NBPF15: variants seen among roughly 807,000 people sequenced by gnomAD.
NBPF15 encodes the protein NBPF family member NBPF15.
NBPF15 carries 74 observed loss-of-function variants against 62.2 expected under a neutral mutation model. The ratio of observed to expected loss-of-function variants is 1.19; its 90% CI spans 0.99 to 1.44. The LOEUF (loss-of-function observed/expected upper bound fraction) is 1.44. Ranked by LOEUF, NBPF15 falls within the 40% of genes most tolerant of loss-of-function variation. The pLI, the probability that NBPF15 is intolerant of heterozygous loss-of-function variation, is 0.00. For missense variants in NBPF15, 790 were observed against 550.0 expected (o/e 1.44, Z -4.36); for synonymous variants, 244 against 209.7 (o/e 1.16, Z -1.41).
intron 4 of NBPF15, among the ~76,000 whole-genome samples, chr1:144,453,097 A>G (rs1553545901): frequency 2.7e-5 from 4 of 146,334 alleles, no homozygotes; most frequent in Admixed American, 6.9e-5. Context: ...ATTAAGCTAC[A>G]GTAACCCAAA....
At chr1:144,426,712 G>A (rs1197665609) in intron 17 of NBPF15, among the ~76,000 whole-genome samples, 3 of 151,680 alleles carry the variant, frequency 2.0e-5, no homozygotes, top group African/African-American at 7.3e-5. Context: ...TGATGAAGGG[G>A]TCAAAGGACA....
At position 144,436,253 on chromosome 1, in the gene NBPF15, C is replaced by G. The variant is rs1258179524; in HGVS notation, c.494-400G>C. On this transcript the variant is annotated intron_variant, in intron 10 of 21. Coordinates refer to ENST00000581897, the MANE Select transcript of NBPF15 (RefSeq NM_001385408.1). ...AAGCAGACAAACTTGTCCCACAGTC[C>G]TCTATGCATCAGAAGATTTCAAGCC... is the stretch of plus-strand genomic sequence containing the variant. Among the ~76,000 whole-genome samples, 5 of 152,134 alleles carry G rather than the reference C, an allele frequency of 3.3e-5. No homozygotes were observed. In the South Asian group the frequency reaches 1.0e-3, roughly 32 times the overall value.
intron 20 of NBPF15, among the ~76,000 whole-genome samples, chr1:144,424,236 T>C (rs1340816353): frequency 3.3e-5 from 5 of 152,080 alleles, no homozygotes; most frequent in African/African-American, 7.2e-5. Context: ...CAAACAGTTA[T>C]GCCATATTTT....
intron 4 of NBPF15, among the ~76,000 whole-genome samples, chr1:144,455,812 C>T (rs1571167364): frequency 6.6e-6 from 1 of 151,880 alleles, no homozygotes; most frequent in South Asian, 2.1e-4. Context: ...GGGTAGTGAC[C>T]TGAGATTTAC....
At chr1:144,444,315 T>C (rs1685694414) in intron 6 of NBPF15, among the ~76,000 whole-genome samples, 1 of 149,834 alleles carries the variant, frequency 6.7e-6, no homozygotes, top group Non-Finnish European at 1.5e-5. Context: ...GGCTGGAATG[T>C]AACAAAAGCC....
chr1:144,439,547 T>C (rs1333757461), intron 8 of NBPF15, among the ~76,000 whole-genome samples: 1 of 152,128 alleles, frequency 6.6e-6, no homozygotes, highest in Non-Finnish European at 1.5e-5. Context: ...AAAACATGAT[T>C]GAGCCTCTTG....
intron 13 of NBPF15, among the ~76,000 whole-genome samples, chr1:144,431,014 G>A (rs1162356713): frequency 1.3e-5 from 2 of 151,854 alleles, no homozygotes; most frequent in Non-Finnish European, 2.9e-5. Context: ...AGCGAGAAGA[G>A]AAGTTTAGAG....
intron 6 of NBPF15, among the ~76,000 whole-genome samples, chr1:144,442,173 T>C (rs1485548899): frequency 1.8e-5 from 2 of 111,310 alleles, no homozygotes; most frequent in African/African-American, 7.6e-5. Context: ...TATATATATA[T>C]ATATATAATA....
chr1:144,459,018 C>T (rs1461159876), intron 3 of NBPF15, among the ~76,000 whole-genome samples: 2 of 146,652 alleles, frequency 1.4e-5, no homozygotes, highest in African/African-American at 5.1e-5. Flanking sequence ...CTAGCCTGGG[C>T]AATAGAGTGA....
intron 3 of NBPF15, among the ~76,000 whole-genome samples, chr1:144,459,006 C>A (rs1409860400): frequency 2.7e-5 from 4 of 150,442 alleles, no homozygotes; most frequent in Non-Finnish European, 4.4e-5. Context: ...TGCCACGGCA[C>A]TCTAGCCTGG....
chr1:144,437,232 G>T (rs1472227386), intron 9 of NBPF15, 123 bp from the exon 10 acceptor site: 1 of 983,484 alleles, frequency 1.0e-6, no homozygotes. Context: ...GTCAGCACAT[G>T]TTTAAAGGAA....
rs1266383971 is a variant in NBPF15 at position 144,453,577 on chromosome 1, T to C, written c.-431-2707A>G. On this transcript the variant is annotated intron_variant, in intron 4 of 21. Coordinates refer to ENST00000581897, the MANE Select transcript of NBPF15 (RefSeq NM_001385408.1). ...CTGGTAGAAAATATTTACAAAATAATCTGATGGAAAAACTGCTGTCCAAAA... is the reference window on the plus strand; with the variant it reads ...CTGGTAGAAAATATTTACAAAATAACCTGATGGAAAAACTGCTGTCCAAAA... 1.2e-4 allele frequency among the ~76,000 whole-genome samples: 17 copies of C among 142,874 alleles called. No individual in the cohort carries two copies. In the Admixed American group the frequency reaches 1.2e-3, roughly 10 times the overall value. 93.7% of individuals were successfully genotyped at this position (142,874 alleles called of 152,430 possible).
chr1:144,435,129 C>T lies in NBPF15; in HGVS notation c.754G>A (p.Ala252Thr). 2.5e-6 allele frequency: 4 copies of T among 1,612,826 alleles called. No homozygotes were observed. The highest frequency in any genetic ancestry group is 2.5e-6 in the Non-Finnish European group (3 of 1,179,748). The change falls in exon 12 of 22, where the codon GCT (alanine) becomes ACT (threonine). Residue 252 changes from alanine (A) to threonine (T), a missense_variant. Physicochemically the swap from Ala to Thr is moderately conservative, Grantham distance 58. Transcript: ENST00000581897. ...GSSSHVEWED[A>T]VHIIPENESD... is the part of the protein sequence containing the mutation. ...AGGCTACCTGGAATAATGTGTACAGCATCCTCCCATTCAACATGAGAGGAT... is the reference window on the plus strand; with the variant it reads ...AGGCTACCTGGAATAATGTGTACAGTATCCTCCCATTCAACATGAGAGGAT...
At chr1:144,429,427 G>A (rs1672557546) in intron 14 of NBPF15, among the ~76,000 whole-genome samples, 1 of 151,410 alleles carries the variant, frequency 6.6e-6, no homozygotes, top group South Asian at 2.1e-4. Flanking sequence ...TTTGGTGTGA[G>A]TTTGCCACAC....
chr1:144,436,619 G>T (rs1298701758), intron 10 of NBPF15, among the ~76,000 whole-genome samples: 2 of 151,876 alleles, frequency 1.3e-5, no homozygotes, highest in Non-Finnish European at 2.9e-5. Flanking sequence ...TGCTCCCATC[G>T]CAGCCTCCTT....
chr1:144,427,201 T>C (rs1244747327), intron 16 of NBPF15, 103 bp from the exon 17 acceptor site: 7 of 649,074 alleles, frequency 1.1e-5, no homozygotes, highest in African/African-American at 3.7e-5. Context: ...CTCCTCAGCA[T>C]GAGAATAGGA....
intron 4 of NBPF15, among the ~76,000 whole-genome samples, chr1:144,451,526 T>A (rs1265304092): frequency 2.0e-5 from 3 of 151,944 alleles, no homozygotes; most frequent in African/African-American, 7.3e-5. Flanking sequence ...GGGAGAAACC[T>A]TGGACAATAC....
rs1300394292 is a variant in NBPF15 at position 144,432,649 on chromosome 1, G to T, written c.824+1124C>A. On this transcript the variant is annotated intron_variant, in intron 13 of 21. Coordinates refer to ENST00000581897, the MANE Select transcript of NBPF15 (RefSeq NM_001385408.1). ...CAAATGGAAAACAAAAAAAGGCAGG[G>T]GTTGCAATCCTAGTCTCTGATAAAA... 9.9e-5 allele frequency among the ~76,000 whole-genome samples: 15 copies of T among 151,838 alleles called. No individual in the cohort carries two copies. The South Asian group carries it at 2.3e-3, about 23-fold the overall frequency.
intron 3 of NBPF15, among the ~76,000 whole-genome samples, chr1:144,458,670 G>A (rs1342225150): frequency 6.6e-6 from 1 of 151,366 alleles, no homozygotes; most frequent in Non-Finnish European, 1.5e-5. Context: ...GAAAAAAAGT[G>A]CCAAACAGTG....
Sources: allele counts gnomAD v4.1 joint callset (sites outside exome capture counted in the v4.1 genomes callset), GRCh38; gene constraint gnomAD v4.1.1; transcripts MANE v1.5; gene names NCBI Gene and HGNC (gene_info 2026-07-23, HGNC 2026-07-21).